RCN3: variants seen among roughly 807,000 people sequenced by gnomAD.
The protein encoded by RCN3 is reticulocalbin 3, also known as reticulocalbin-3.
Under a neutral mutation model 35.9 loss-of-function variants are expected in RCN3, and 41 were observed. The ratio of observed to expected loss-of-function variants is 1.14; its 90% CI spans 0.89 to 1.48. The LOEUF is 1.48. Among genes scored for constraint, RCN3 ranks in the 40% most tolerant of loss-of-function variants. The pLI is 0.00. For missense variants in RCN3, 451 were observed against 471.3 expected, an observed-to-expected ratio of 0.96 and a Z score of 0.40; for synonymous variants, 187 against 193.4, an observed-to-expected ratio of 0.97 and a Z score of 0.27.
chr19:49,529,419 G>A (rs2080097683), intron 2 of RCN3, among the ~76,000 whole-genome samples: 1 of 152,196 alleles, frequency 6.6e-6, no homozygotes, highest in Non-Finnish European at 1.5e-5. Flanking sequence ...GTGGAATGGA[G>A]CCCTGTCCAC....
intron 5 of RCN3, 114 bp downstream of exon 5, chr19:49,539,293 CA>C: frequency 2.6e-6 from 2 of 781,100 alleles, no homozygotes; most frequent in Non-Finnish European, 4.1e-6. Flanking sequence ...GGCCCTCAGA[CA>C]TGGGGGCAGG....
intron 5 of RCN3, among the ~76,000 whole-genome samples, chr19:49,539,718 ATTT>A (rs58021494): frequency 9.2e-5 from 11 of 119,158 alleles, no homozygotes; most frequent in Admixed American, 2.6e-4. Flanking sequence ...CTAACAAGGA[ATTT>A]TTTTTTTTTT....
chr19:49,539,079 G>C, intron 4 of RCN3, 40 bp from the exon 5 acceptor site: 1 of 1,509,754 alleles, frequency 6.6e-7, no homozygotes, highest in Non-Finnish European at 8.9e-7. Context: ...CAGGAGCCAG[G>C]GTCATCGGCC....
At position 49,534,402 on chromosome 19, in the gene RCN3, G is replaced by C. The variant is rs960319391; in HGVS notation, c.445+7G>C. 42 of 1,536,968 alleles carry C rather than the reference G, an allele frequency of 2.7e-5. No homozygotes were observed. The highest frequency in any genetic ancestry group is 3.6e-5 in the Non-Finnish European group (41 of 1,144,996). The stretch of plus-strand genomic sequence containing the variant: ...TATGGCCACTACGCGCCCGGTACGC[G>C]GCGAGCCCCCGACCCTGCTCCCCAT... On this transcript the variant is annotated splice_region_variant and intron_variant, in intron 3 of 6. Coordinates refer to ENST00000270645, the MANE Select transcript of RCN3 (RefSeq NM_020650.3).
chr19:49,540,314 A>G (rs1352265869), intron 5 of RCN3, among the ~76,000 whole-genome samples: 1 of 151,860 alleles, frequency 6.6e-6, no homozygotes, highest in Non-Finnish European at 1.5e-5. Context: ...CCTGGCTGAG[A>G]GAACATTTTT....
chr19:49,531,837 G>T (rs1036022556), intron 2 of RCN3, among the ~76,000 whole-genome samples: 1 of 152,164 alleles, frequency 6.6e-6, no homozygotes, highest in African/African-American at 2.4e-5. Context: ...GTCTCGCTCT[G>T]TCTCCCAGTC....
Position 49,528,618 on chromosome 19 carries a change from A to G in RCN3, c.146A>G (p.His49Arg). 6.2e-7 allele frequency: 1 copy of G among 1,612,494 alleles called. No individual in the cohort carries two copies. The highest frequency in any genetic ancestry group is 8.5e-7 in the Non-Finnish European group (1 of 1,179,362). ...AGCGACGCTCCCCATGATGACGCCC[A>G]CGGGAACTTCCAGTACGACCATGAG... ...PLSDAPHDDA[H>R]GNFQYDHEAF... The change falls in exon 2 of 7, where the codon CAC becomes CGC. Residue 49 changes from histidine (H) to arginine (R), a missense_variant. His to Arg is a conservative substitution (Grantham distance 29). Transcript: ENST00000270645.
intron 3 of RCN3, among the ~76,000 whole-genome samples, chr19:49,535,780 G>A (rs1239806439): frequency 6.6e-6 from 1 of 150,512 alleles, no homozygotes; most frequent in African/African-American, 2.4e-5. Context: ...AACCCAGGAG[G>A]CAGAAGTTGC....
intron 5 of RCN3, among the ~76,000 whole-genome samples, chr19:49,541,040 CTT>C (rs2080160708): frequency 6.6e-6 from 1 of 151,814 alleles, no homozygotes; most frequent in African/African-American, 2.4e-5. Flanking sequence ...AAGCAATTCT[CTT>C]GTTTCAGCCT....
rs370574318 is a variant in RCN3, at chr19:49,542,740, C to T, written c.867C>T (p.Ser289=). 2.4e-5 allele frequency: 38 copies of T among 1,588,102 alleles called. No individual in the cohort carries two copies. The highest frequency in any genetic ancestry group is 4.5e-5 in the East Asian group (2 of 44,050). The part of the protein sequence containing the change: ...LVEANHLLHE[S]DTDKDGRLSK... ...AAGCCAACCACCTGCTGCACGAGAG[C>T]GACACGGACAAGGTGCAGTGACGGG... Residue 289 remains serine (S), a synonymous_variant, in exon 6 of 7, where the codon AGC becomes AGT. Coordinates refer to ENST00000270645, the MANE Select transcript of RCN3 (RefSeq NM_020650.3).
intron 5 of RCN3, 59 bp from the exon 6 acceptor site, chr19:49,542,494 C>T: frequency 7.8e-7 from 1 of 1,282,426 alleles, no homozygotes; most frequent in East Asian, 2.5e-5. Flanking sequence ...GATCAGCCCC[C>T]AGCTCCACTA....
intron 5 of RCN3, among the ~76,000 whole-genome samples, chr19:49,539,586 A>C (rs1263006777): frequency 6.9e-6 from 1 of 144,190 alleles, no homozygotes; most frequent in Non-Finnish European, 1.5e-5. Flanking sequence ...CACAGCAAAC[A>C]CTGTTTCCTG....
At chr19:49,543,069 C>A in intron 6 of RCN3, 37 bp from the exon 7 acceptor site, 1 of 1,538,452 alleles carries the variant, frequency 6.5e-7, no homozygotes, top group Non-Finnish European at 9.0e-7. Context: ...GAAAGCAGGG[C>A]CGTGTTGTCC....
At chr19:49,529,532 C>T (rs945275782) in intron 2 of RCN3, among the ~76,000 whole-genome samples, 2 of 152,218 alleles carry the variant, frequency 1.3e-5, no homozygotes, top group East Asian at 3.8e-4. Flanking sequence ...TTATCGAGCA[C>T]CTGCTATGTG....
chr19:49,534,402 G>A lies in RCN3; in HGVS notation c.445+7G>A. On this transcript the variant is annotated splice_region_variant and intron_variant, in intron 3 of 6. Coordinates refer to ENST00000270645, the MANE Select transcript of RCN3 (RefSeq NM_020650.3). ...TATGGCCACTACGCGCCCGGTACGC[G>A]GCGAGCCCCCGACCCTGCTCCCCAT... The A allele has an allele frequency of 1.3e-6, 2 of 1,537,086 alleles. No individual in the cohort carries two copies. Among genetic ancestry groups the A allele is most frequent in the South Asian group, 1.2e-5 (1 of 83,832 alleles).
chr19:49,538,424 T>C (rs2080147569), intron 4 of RCN3, among the ~76,000 whole-genome samples: 1 of 150,722 alleles, frequency 6.6e-6, no homozygotes, highest in East Asian at 2.0e-4. Flanking sequence ...ACCTCGGCCT[T>C]CCAAAGTGCT....
At chr19:49,542,441 AGT>A in intron 5 of RCN3, 110 bp from the exon 6 acceptor site, 1 of 667,456 alleles carries the variant, frequency 1.5e-6, no homozygotes. Flanking sequence ...GAGAGAGGGT[AGT>A]GAGTTGCTCA....
At position 49,539,125 on chromosome 19, in the gene RCN3, C is replaced by G; in HGVS notation, c.625C>G (p.Leu209Val). The change falls in exon 5 of 7, where the codon CTG (leucine) becomes GTG (valine). Residue 209 changes from leucine to valine, a missense_variant. Physicochemically the swap from Leu to Val is conservative, Grantham distance 32 (BLOSUM62 1). Coordinates refer to ENST00000270645, the MANE Select transcript of RCN3 (RefSeq NM_020650.3). ...ATGCCCCTTTCTCCTCCAGGAAACCCTGGAGGACCTGGACAGAAACAAAGA... is the reference window on the plus strand; with the variant it reads ...ATGCCCCTTTCTCCTCCAGGAAACCGTGGAGGACCTGGACAGAAACAAAGA... The part of the protein sequence containing the change: ...HMRDIVIAET[L>V]EDLDRNKDGY... 1 of 1,604,772 alleles carries G rather than the reference C, an allele frequency of 6.2e-7. No individual in the cohort carries two copies. The highest frequency in any genetic ancestry group is 8.5e-7 in the Non-Finnish European group (1 of 1,176,872).
chr19:49,536,727 G>C (rs1450561893), intron 3 of RCN3, among the ~76,000 whole-genome samples: 1 of 150,828 alleles, frequency 6.6e-6, no homozygotes, highest in Non-Finnish European at 1.5e-5. Flanking sequence ...TTGTGCCTCA[G>C]ACTCCCGAGT....
Sources: allele counts gnomAD v4.1 joint callset (sites outside exome capture counted in the v4.1 genomes callset), GRCh38; gene constraint gnomAD v4.1.1; transcripts MANE v1.5; gene names NCBI Gene and HGNC (gene_info 2026-07-23, HGNC 2026-07-21).